The following NELL2 variants were observed in gnomAD, a reference collection of about 807,000 sequenced individuals.
NELL2 encodes protein kinase C-binding protein NELL2.
NELL2 carries 41 observed loss-of-function variants against 109.6 expected under a neutral mutation model. That is an observed-to-expected ratio of 0.37 (90% CI 0.29 to 0.49). NELL2 has a LOEUF of 0.49. NELL2 is among the 20% of genes least tolerant of loss of function. The pLI is 0.98. For missense variants in NELL2, 900 were observed against 1,008.3 expected (o/e 0.89, Z 1.45); for synonymous variants, 355 against 344.7 (o/e 1.03, Z -0.33).
rs1468057382 is a variant in NELL2, at chr12:44,882,679, C to T, written c.39-6779G>A. On this transcript the variant is annotated intron_variant, in intron 1 of 20. Coordinates refer to the NELL2 transcript ENST00000333837. ...AGTAGCTGGAATTACAGGCAGGCACCACCAGGCCTGGCTAAGTTTTGTATT... is the reference window on the plus strand; with the variant it reads ...AGTAGCTGGAATTACAGGCAGGCACTACCAGGCCTGGCTAAGTTTTGTATT... 3.3e-5 allele frequency among the ~76,000 whole-genome samples: 5 copies of T among 151,556 alleles called. 1 individual carries two copies. In the Middle Eastern group the frequency reaches 0.01, roughly 309 times the overall value.
intron 9 of NELL2, among the ~76,000 whole-genome samples, chr12:44,769,731 A>G (rs1374310778): frequency 6.6e-6 from 1 of 152,130 alleles, no homozygotes; most frequent in African/African-American, 2.4e-5. Context: ...CCAACAATAG[A>G]CTGAATTGTG....
intron 9 of NELL2, among the ~76,000 whole-genome samples, chr12:44,729,707 T>C (rs749593436): frequency 1.2e-5 from 1 of 86,574 alleles, no homozygotes; most frequent in Non-Finnish European, 2.2e-5. Context: ...GCTTCCAGGA[T>C]TTTTTTTTTT....
At chr12:44,709,314 A>C (rs936490948) in intron 11 of NELL2, among the ~76,000 whole-genome samples, 1 of 152,162 alleles carries the variant, frequency 6.6e-6, no homozygotes, top group African/African-American at 2.4e-5. Flanking sequence ...TCACCACTTA[A>C]GAAGTCTGAT....
At position 44,676,858 on chromosome 12, in the gene NELL2, T is replaced by C. The variant is rs1385144716; in HGVS notation, c.1319-11249A>G. Reference sequence around the variant, plus strand: ...GTGTAGATTTGTCCATATAATAGTTTCTGACTTCCTACTATGTCCAAGGTA... The same window carrying C: ...GTGTAGATTTGTCCATATAATAGTTCCTGACTTCCTACTATGTCCAAGGTA... On this transcript the variant is annotated intron_variant, in intron 12 of 19. Coordinates refer to ENST00000429094, the MANE Select transcript of NELL2 (RefSeq NM_001145108.2). Among the ~76,000 whole-genome samples the C allele has an allele frequency of 2.6e-5, 4 of 151,232 alleles. No individual in the cohort carries two copies. The East Asian group carries it at 7.8e-4, about 29-fold the overall frequency.
At chr12:44,875,065 A>C in intron 2 of NELL2, 160 bp downstream of exon 2, 1 of 980,146 alleles carries the variant, frequency 1.0e-6, no homozygotes, top group Non-Finnish European at 1.5e-6. Flanking sequence ...AAAACCACTT[A>C]AAAGAGATAG....
chr12:44,642,755 A>G (rs1395179957), intron 13 of NELL2, among the ~76,000 whole-genome samples: 3 of 152,000 alleles, frequency 2.0e-5, no homozygotes, highest in African/African-American at 7.2e-5. Context: ...GGTGGTGTGC[A>G]CCTGTAATCC....
rs1945000304 is a variant in NELL2, at chr12:44,597,209, C to T, written c.1663+9960G>A. Among the ~76,000 whole-genome samples, 4 of 152,158 alleles carry T rather than the reference C, an allele frequency of 2.6e-5. No individual in the cohort carries two copies. The South Asian group carries it at 8.3e-4, about 31-fold the overall frequency. On this transcript the variant is annotated intron_variant, in intron 15 of 19. Transcript: ENST00000429094. ...AGATTAATCTAATCCCAAATCCACA[C>T]ACTAGTTTAGCTCTTCATGTATTTA...
intron 11 of NELL2, among the ~76,000 whole-genome samples, chr12:44,709,938 A>G (rs1592375924): frequency 6.6e-6 from 1 of 151,838 alleles, no homozygotes; most frequent in Non-Finnish European, 1.5e-5. Flanking sequence ...GAGAGTGAAA[A>G]CTCTTATGGT....
intron 9 of NELL2, among the ~76,000 whole-genome samples, chr12:44,761,090 G>A (rs904380481): frequency 3.9e-5 from 6 of 152,092 alleles, no homozygotes; most frequent in Admixed American, 6.6e-5. Flanking sequence ...AGCCTGGTGC[G>A]GTGGCTCATG....
chr12:44,624,996 GTATATATATATATATATATA>G (rs3072882), intron 13 of NELL2, among the ~76,000 whole-genome samples: 1 of 71,126 alleles, frequency 1.4e-5, no homozygotes, highest in East Asian at 3.3e-4. Flanking sequence ...ATATGTGTGT[GTATATATATATATATATATA>G]TATATATATA....
chr12:44,897,322 C>T (rs1945604129), intron 1 of NELL2, among the ~76,000 whole-genome samples: 1 of 151,978 alleles, frequency 6.6e-6, no homozygotes, highest in Non-Finnish European at 1.5e-5. Context: ...TCTTGGACTC[C>T]CCCGTAAGAT....
intron 13 of NELL2, among the ~76,000 whole-genome samples, chr12:44,622,182 C>A (rs1447166271): frequency 1.3e-5 from 2 of 152,088 alleles, no homozygotes; most frequent in Non-Finnish European, 2.9e-5. Flanking sequence ...GAGTTCATTG[C>A]ACTCACTCAG....
chr12:44,514,618 T>G (rs778165964), intron 19 of NELL2, among the ~76,000 whole-genome samples: 42 of 151,732 alleles, frequency 2.8e-4, no homozygotes, highest in Non-Finnish European at 4.4e-4. Context: ...ATAGTATATA[T>G]AGTGTTTAAT....
In NELL2 at chr12:44,829,201, TAAG is replaced by T. The variant is rs575327017; in HGVS notation, c.185-13068_185-13066del. Among the ~76,000 whole-genome samples, 464 of 152,070 alleles carry T rather than the reference TAAG, an allele frequency of 3.1e-3. 2 individuals carry two copies. Among genetic ancestry groups the T allele is most frequent in the African/African-American group, 0.011 (436 of 41,486 alleles). ...AAATAAGGCAGAAACATTAAGCAAA[TAAG>T]AAGAATGATGATAAGTGATGTTGAT... On this transcript the variant is annotated intron_variant, in intron 2 of 19. Coordinates refer to ENST00000429094, the MANE Select transcript of NELL2 (RefSeq NM_001145108.2).
chr12:44,766,826 G>A (rs925656343), intron 9 of NELL2, among the ~76,000 whole-genome samples: 19 of 152,138 alleles, frequency 1.2e-4, no homozygotes, highest in East Asian at 9.6e-4. Context: ...TTTGCATAAC[G>A]CTTTCTTCTG....
At chr12:44,811,551 C>A (rs781105504) in intron 3 of NELL2, among the ~76,000 whole-genome samples, 1 of 151,878 alleles carries the variant, frequency 6.6e-6, no homozygotes, top group Non-Finnish European at 1.5e-5. Flanking sequence ...ACATAGATGC[C>A]GAGCAGATAG....
intron 12 of NELL2, among the ~76,000 whole-genome samples, chr12:44,666,006 C>T (rs1338805567): frequency 6.6e-6 from 1 of 152,102 alleles, no homozygotes. Context: ...GTTGAGCAGA[C>T]CCTGAAAGAG....
rs187135387 is a variant in NELL2, at chr12:44,792,199, G to A, written c.336-12177C>T. Among the ~76,000 whole-genome samples the A allele has an allele frequency of 5.3e-3, 806 of 152,250 alleles. 7 individuals are homozygous for A. The highest frequency in any genetic ancestry group is 0.018 in the African/African-American group (765 of 41,550). On this transcript the variant is annotated intron_variant, in intron 3 of 19. Coordinates refer to ENST00000429094, the MANE Select transcript of NELL2 (RefSeq NM_001145108.2). ...TGCTATTTCAGAAAACTTTTTAGGG[G>A]ACCCTAAAGCTATTTCAGAAAACTT...
At chr12:44,867,110 G>A (rs1259697990) in intron 2 of NELL2, among the ~76,000 whole-genome samples, 1 of 152,116 alleles carries the variant, frequency 6.6e-6, no homozygotes, top group African/African-American at 2.4e-5. Context: ...ATGAAGAAGA[G>A]GGAATAAATT....
Sources: allele counts gnomAD v4.1 joint callset (sites outside exome capture counted in the v4.1 genomes callset), GRCh38; gene constraint gnomAD v4.1.1; transcripts MANE v1.5; gene names NCBI Gene and HGNC (gene_info 2026-07-23, HGNC 2026-07-21).